RTL4: variants seen among roughly 807,000 people sequenced by gnomAD.
The protein encoded by RTL4 is retrotransposon Gag like 4, also known as retrotransposon Gag-like protein 4.
Under a neutral mutation model 5.3 loss-of-function variants are expected in RTL4, and 4 were observed. The observed-to-expected ratio is 0.75, with a 90% confidence interval of 0.37 to 1.72. The LOEUF is 1.72. RTL4 is among the 40% of genes most tolerant of loss of function. The pLI, the probability that RTL4 is intolerant of heterozygous loss-of-function variation, is 0.04. For missense variants in RTL4, 260 were observed against 227.1 expected, an observed-to-expected ratio of 1.14 and a Z score of -0.93; for synonymous variants, 98 against 87.3, an observed-to-expected ratio of 1.12 and a Z score of -0.68.
chrX:112,260,693 G>A, the RTL4 span, among the ~76,000 whole-genome samples: 8 of 111,694 alleles, frequency 7.2e-5, no homozygotes, highest in Non-Finnish European at 1.3e-4. Flanking sequence ...GAAAATGAAC[G>A]TATACACATA....
At chrX:112,362,386 C>T in the RTL4 span, among the ~76,000 whole-genome samples, 4 of 111,558 alleles carry the variant, frequency 3.6e-5, no homozygotes, top group East Asian at 2.8e-4. Flanking sequence ...GAAGAAAAGA[C>T]GATAACATGT....
the RTL4 span, among the ~76,000 whole-genome samples, chrX:112,242,822 G>A: frequency 9.0e-6 from 1 of 111,629 alleles, no homozygotes; most frequent in Non-Finnish European, 1.9e-5. Context: ...GTATGATATT[G>A]GCTGTGGGTT....
the RTL4 span, among the ~76,000 whole-genome samples, chrX:112,205,606 T>TACAC: frequency 7.4e-5 from 8 of 107,621 alleles, no homozygotes; most frequent in African/African-American, 1.7e-4. Context: ...CGTGTGCATG[T>TACAC]ACACACACAC....
the RTL4 span, among the ~76,000 whole-genome samples, chrX:112,323,747 C>T: frequency 9.0e-6 from 1 of 111,705 alleles, no homozygotes; most frequent in South Asian, 3.7e-4. Context: ...GTCTCAGCAT[C>T]CCAAAGTGCT....
At chrX:112,386,639 A>G in the RTL4 span, among the ~76,000 whole-genome samples, 1 of 111,844 alleles carries the variant, frequency 8.9e-6, no homozygotes, top group Non-Finnish European at 1.9e-5. Flanking sequence ...CTTCACTTAG[A>G]ATAATAGTTT....
chrX:112,255,510 TTCC>T, the RTL4 span, among the ~76,000 whole-genome samples: 2 of 111,739 alleles, frequency 1.8e-5, no homozygotes. Context: ...TAATGATACA[TTCC>T]TTGCAGGACT....
At chrX:112,263,270 C>A in the RTL4 span, among the ~76,000 whole-genome samples, 2 of 109,917 alleles carry the variant, frequency 1.8e-5, no homozygotes, top group African/African-American at 3.3e-5. Flanking sequence ...TTCTGAGGCC[C>A]CAGGTTCAGA....
chrX:112,321,578 A>AAAAGAAAAGAAAGAAAG, the RTL4 span, among the ~76,000 whole-genome samples: 7 of 105,550 alleles, frequency 6.6e-5, no homozygotes, highest in African/African-American at 2.7e-4. Flanking sequence ...AAGAAAGAAG[A>AAAAGAAAAGAAAGAAAG]AAGACAGACA....
chrX:112,455,611 G>A (rs901990458), exon 1 of RTL4: 4 of 1,208,944 alleles, frequency 3.3e-6, no homozygotes, highest in African/African-American at 1.8e-5. Context: ...AGATTGCCTT[G>A]CCAAACGTTC....
chrX:112,209,470 T>C, the RTL4 span, among the ~76,000 whole-genome samples: 2 of 112,069 alleles, frequency 1.8e-5, no homozygotes, highest in Non-Finnish European at 3.8e-5. Flanking sequence ...AGCTGTCCAC[T>C]TTCGGGTGGA....
At chrX:112,114,598 G>A in the RTL4 span, among the ~76,000 whole-genome samples, 1 of 111,406 alleles carries the variant, frequency 9.0e-6, no homozygotes, top group Non-Finnish European at 1.9e-5. Context: ...CCCTGGTTGG[G>A]CCAAATTCCC....
the RTL4 span, among the ~76,000 whole-genome samples, chrX:112,413,516 A>C: frequency 3.6e-5 from 4 of 111,769 alleles, no homozygotes; most frequent in Non-Finnish European, 7.5e-5. Context: ...AGTACTATTC[A>C]GCTTAAAAAG....
chrX:112,403,761 T>G, the RTL4 span, among the ~76,000 whole-genome samples: 2 of 112,506 alleles, frequency 1.8e-5, no homozygotes, highest in Non-Finnish European at 3.8e-5. Context: ...TTTGTTAGTT[T>G]ATTTTTTCTT....
At chrX:112,237,829 C>T in the RTL4 span, among the ~76,000 whole-genome samples, 4 of 111,759 alleles carry the variant, frequency 3.6e-5, no homozygotes, top group Non-Finnish European at 7.5e-5. Context: ...GAATGAAGAG[C>T]GATTTATTCA....
the RTL4 span, among the ~76,000 whole-genome samples, chrX:112,235,118 G>T: frequency 8.9e-6 from 1 of 111,889 alleles, no homozygotes; most frequent in Admixed American, 9.5e-5. Flanking sequence ...GCTGCTCATA[G>T]AATTACTTGC....
the RTL4 span, among the ~76,000 whole-genome samples, chrX:112,224,896 G>T: frequency 9.0e-6 from 1 of 111,701 alleles, no homozygotes; most frequent in Non-Finnish European, 1.9e-5. Context: ...TAGCTCTCAG[G>T]AACACTTTTC....
the RTL4 span, among the ~76,000 whole-genome samples, chrX:112,443,991 G>A: frequency 9.0e-6 from 1 of 111,532 alleles, no homozygotes; most frequent in South Asian, 3.7e-4. Context: ...TATGCTTGTG[G>A]AGTATTACTC....
the RTL4 span, among the ~76,000 whole-genome samples, chrX:112,262,269 G>T: frequency 0.048 from 5,335 of 111,279 alleles, 315 homozygotes; most frequent in African/African-American, 0.16. Context: ...CTACAGAATG[G>T]GAGAAAATTT....
the RTL4 span, among the ~76,000 whole-genome samples, chrX:112,183,864 A>G: frequency 8.9e-6 from 1 of 111,899 alleles, no homozygotes; most frequent in Non-Finnish European, 1.9e-5. Context: ...TTCTTAATCC[A>G]GTCTATCATT....
Sources: allele counts gnomAD v4.1 joint callset (sites outside exome capture counted in the v4.1 genomes callset), GRCh38; gene constraint gnomAD v4.1.1; transcripts MANE v1.5; gene names NCBI Gene and HGNC (gene_info 2026-07-23, HGNC 2026-07-21).